The following L3MBTL2 variants were observed in gnomAD, a reference collection of about 807,000 sequenced individuals.
The protein encoded by L3MBTL2 is L3MBTL histone methyl-lysine binding protein 2, also known as lethal(3)malignant brain tumor-like protein 2.
A neutral mutation model predicts 86.4 loss-of-function variants in L3MBTL2; 49 were observed. The ratio of observed to expected loss-of-function variants is 0.57; its 90% CI spans 0.45 to 0.72. L3MBTL2 has a LOEUF of 0.72. Ranked by LOEUF, L3MBTL2 falls within the 30% of genes least tolerant of loss-of-function variation. L3MBTL2 has a pLI of 0.00. For missense variants in L3MBTL2, 755 were observed against 923.7 expected (o/e 0.82, Z 2.37); for synonymous variants, 336 against 350.6 (o/e 0.96, Z 0.47).
chr22:41,216,352 G>A lies in L3MBTL2; in HGVS notation c.520+90G>A. ...GGCCTTTCCTAGGAATGAAGACTGG[G>A]CAAACCGGCCAGGTAGAAAGTGCCC... On this transcript the variant is annotated intron_variant, in intron 4 of 16. Coordinates refer to ENST00000216237, the MANE Select transcript of L3MBTL2 (RefSeq NM_031488.5). 2.0e-6 allele frequency: 3 copies of A among 1,505,106 alleles called. No individual in the cohort carries two copies. The South Asian group carries it at 3.7e-5, about 19-fold the overall frequency. 93.2% of individuals were successfully genotyped at this position (1,505,106 alleles called of 1,614,324 possible).
Position 41,224,379 on chromosome 22 carries a change from C to A in L3MBTL2, c.1174+128C>A. 3.0e-6 allele frequency: 2 copies of A among 670,580 alleles called. No individual in the cohort carries two copies. The highest frequency in any genetic ancestry group is 5.1e-6 in the Non-Finnish European group (2 of 394,266). The allele number at this position is 670,580 out of a possible 1,614,324, so 41.5% of individuals were successfully genotyped here. On this transcript the variant is annotated intron_variant, in intron 9 of 16. Transcript: ENST00000216237. This position sits in a 1 kb window ranked among gnomAD's most constrained non-coding sequence, Gnocchi z 4.9. Reference sequence around the variant, plus strand: ...GCATGGCCCCCCTGCAGTGATGATACTGAGCTCCAGAGAGCTTGAGTAACT... The same window carrying A: ...GCATGGCCCCCCTGCAGTGATGATAATGAGCTCCAGAGAGCTTGAGTAACT...
At chr22:41,206,564 C>T (rs545916922) in intron 1 of L3MBTL2, among the ~76,000 whole-genome samples, 2 of 151,950 alleles carry the variant, frequency 1.3e-5, no homozygotes, top group Non-Finnish European at 2.9e-5. Context: ...TTTGGGAGGC[C>T]GAGGCGGGCA....
In L3MBTL2 at chr22:41,230,254, C is replaced by T. The variant is rs2032509871; in HGVS notation, c.*3C>T. ...TCAAGCAGGAAACAGACGACTGAGC[C>T]TTCCTGCCTCCAGCCTGGCTTCTAG... On this transcript the variant is annotated 3_prime_UTR_variant, in exon 17 of 17. Transcript: ENST00000216237. 1 of 1,610,286 alleles carries T rather than the reference C, an allele frequency of 6.2e-7. No individual in the cohort carries two copies. Among genetic ancestry groups the T allele is most frequent in the Non-Finnish European group, 8.5e-7 (1 of 1,176,888 alleles).
rs1326387151 is a variant in L3MBTL2 at position 41,225,553 on chromosome 22, A to G, written c.1357-241A>G. On this transcript the variant is annotated intron_variant, in intron 11 of 16. Coordinates refer to ENST00000216237, the MANE Select transcript of L3MBTL2 (RefSeq NM_031488.5). This position sits in a 1 kb window ranked among gnomAD's most constrained non-coding sequence, Gnocchi z 4.1. Reference sequence around the variant, plus strand: ...TGCTCACCCAAGAACACGGTCCAACAGGATGGACGCGGCCCCTGCTGGCGT... The same window carrying G: ...TGCTCACCCAAGAACACGGTCCAACGGGATGGACGCGGCCCCTGCTGGCGT... 6.6e-6 allele frequency among the ~76,000 whole-genome samples: 1 copy of G among 152,184 alleles called. No individual in the cohort carries two copies. Among genetic ancestry groups the G allele is most frequent in the African/African-American group, 2.4e-5 (1 of 41,438 alleles).
intron 5 of L3MBTL2, 59 bp from the exon 6 acceptor site, chr22:41,219,360 C>CT: frequency 7.7e-7 from 1 of 1,297,344 alleles, no homozygotes; most frequent in South Asian, 1.2e-5. Context: ...GTGAGGCAGT[C>CT]TGTCTCCCCT....
chr22:41,215,959 C>T (rs2031323213), intron 3 of L3MBTL2, among the ~76,000 whole-genome samples, 180 bp from the exon 4 acceptor site: 1 of 152,106 alleles, frequency 6.6e-6, no homozygotes. Flanking sequence ...CCCGACGCTT[C>T]CCCACAACCA....
At chr22:41,207,188 C>G (rs1471660915) in intron 1 of L3MBTL2, among the ~76,000 whole-genome samples, 5 of 149,810 alleles carry the variant, frequency 3.3e-5, no homozygotes. Flanking sequence ...ATGCAAGTCA[C>G]TATTCTGAGA....
At chr22:41,206,247 C>T (rs2030202610) in intron 1 of L3MBTL2, 1 of 152,032 alleles carries the variant, frequency 6.6e-6, no homozygotes, top group Non-Finnish European at 1.5e-5. Context: ...CTCGGCCTCC[C>T]AAAGTGCTGG....
chr22:41,206,090 A>C (rs1490101385), intron 1 of L3MBTL2: 1 of 151,848 alleles, frequency 6.6e-6, no homozygotes, highest in East Asian at 1.9e-4. Context: ...GGTTCAAGCA[A>C]TTCTGTCTCC....
Position 41,227,738 on chromosome 22 carries a change from G to T in L3MBTL2, c.1823-66G>T, listed in dbSNP as rs374867539. 3.7e-6 allele frequency: 6 copies of T among 1,610,268 alleles called. No individual in the cohort carries two copies. In the African/African-American group the frequency reaches 6.7e-5, roughly 18 times the overall value. On this transcript the variant is annotated intron_variant, in intron 14 of 16. Coordinates refer to ENST00000216237, the MANE Select transcript of L3MBTL2 (RefSeq NM_031488.5). This position sits in a 1 kb window ranked among gnomAD's most constrained non-coding sequence, Gnocchi z 6.0. ...GAGGGTGGATGGGGTCTCGGGATGC[G>T]CCTGTGCCCTGTGTCCTCCCAGGGA...
At chr22:41,205,447 GC>G in intron 1 of L3MBTL2, 61 bp downstream of exon 1, 2 of 1,600,898 alleles carry the variant, frequency 1.2e-6, no homozygotes, top group Admixed American at 3.3e-5. Flanking sequence ...CGCTCCGTGG[GC>G]CCTTCTTTAG....
At chr22:41,211,302 G>T (rs1226464850) in intron 2 of L3MBTL2, among the ~76,000 whole-genome samples, 4 of 152,180 alleles carry the variant, frequency 2.6e-5, no homozygotes, top group African/African-American at 9.6e-5. Context: ...CTGGGCTCAG[G>T]CAATCCTTCC....
chr22:41,227,582 A>C lies in L3MBTL2; in HGVS notation c.1823-222A>C, dbSNP rs559639743. ...GTGCCCTTGTGCACCCAGGTAAACT[A>C]CCCAGGTCCCTCTGAGCAGCCCTGG... On this transcript the variant is annotated intron_variant, in intron 14 of 16. Coordinates refer to ENST00000216237, the MANE Select transcript of L3MBTL2 (RefSeq NM_031488.5). This position sits in a 1 kb window ranked among gnomAD's most constrained non-coding sequence, Gnocchi z 6.0. The C allele has an allele frequency of 6.0e-5, 93 of 1,547,934 alleles. No individual in the cohort carries two copies. In the South Asian group the frequency reaches 1.1e-3, roughly 18 times the overall value.
chr22:41,220,926 G>A lies in L3MBTL2; in HGVS notation c.853+58G>A, dbSNP rs1389605906. On this transcript the variant is annotated intron_variant, in intron 7 of 16. Coordinates refer to ENST00000216237, the MANE Select transcript of L3MBTL2 (RefSeq NM_031488.5). Reference sequence around the variant, plus strand: ...CCGTAGGGCCCCTGGTAGAGGGAGAGTCCTCTGCTTGTGTTAGGTAGAATG... The same window carrying A: ...CCGTAGGGCCCCTGGTAGAGGGAGAATCCTCTGCTTGTGTTAGGTAGAATG... 4 of 1,557,524 alleles carry A rather than the reference G, an allele frequency of 2.6e-6. No individual in the cohort carries two copies. In the African/African-American group the frequency reaches 4.1e-5, roughly 16 times the overall value.
chr22:41,228,598 C>G (rs1357284897), intron 15 of L3MBTL2: 1 of 842,754 alleles, frequency 1.2e-6, no homozygotes, highest in Non-Finnish European at 1.4e-6. Flanking sequence ...CACCTGTAAT[C>G]CCATCACTTT....
chr22:41,229,925 G>T (rs2032467389), intron 16 of L3MBTL2, among the ~76,000 whole-genome samples: 1 of 152,142 alleles, frequency 6.6e-6, no homozygotes, highest in Admixed American at 6.5e-5. Context: ...GGTGGTGACA[G>T]ATTGGCACAT....
intron 4 of L3MBTL2, 93 bp downstream of exon 4, chr22:41,216,355 A>G: frequency 1.3e-6 from 2 of 1,494,406 alleles, no homozygotes; most frequent in Non-Finnish European, 1.8e-6. Flanking sequence ...AGACTGGGCA[A>G]ACCGGCCAGG....
At chr22:41,228,585 TCA>T in intron 15 of L3MBTL2, 4 of 906,196 alleles carry the variant, frequency 4.4e-6, no homozygotes, top group Non-Finnish European at 5.3e-6. Flanking sequence ...GCGCGGTGGC[TCA>T]CACCTGTAAT....
At position 41,221,826 on chromosome 22, in the gene L3MBTL2, A is replaced by G. The variant is rs536302994; in HGVS notation, c.942+539A>G. On this transcript the variant is annotated intron_variant, in intron 8 of 16. Transcript: ENST00000216237. ...CACCGTGGTAGCCAGGATGGTCTCA[A>G]TCTCCTGACCTCGTGATCCATCTGC... Among the ~76,000 whole-genome samples, 5 of 151,844 alleles carry G rather than the reference A, an allele frequency of 3.3e-5. No individual in the cohort carries two copies. In the East Asian group the frequency reaches 5.8e-4, roughly 18 times the overall value.
Sources: gnomAD v4.1 joint callset for allele counts (sites outside exome capture counted in the v4.1 genomes callset) on GRCh38, gnomAD v4.1.1 for gene constraint, Gnocchi (gnomAD v3.1) non-coding constraint, MANE v1.5 for transcripts, NCBI Gene and HGNC (gene_info 2026-07-23, HGNC 2026-07-21) for gene names.